The following CEP72 variants were observed in gnomAD, a reference collection of about 807,000 sequenced individuals.
The protein encoded by CEP72 is centrosomal protein of 72 kDa.
CEP72 carries 78 observed loss-of-function variants against 65.7 expected under a neutral mutation model. The ratio of observed to expected loss-of-function variants is 1.19; its 90% CI spans 0.99 to 1.43. The LOEUF (loss-of-function observed/expected upper bound fraction) is 1.43, where lower values mean the gene tolerates loss of function less well. Among genes scored for constraint, CEP72 ranks in the 40% most tolerant of loss-of-function variants. The probability of loss-of-function intolerance (pLI) is 0.00; values close to 1 mark genes in which losing one functional copy is unlikely to be tolerated. For synonymous variants in CEP72, 358 were observed against 351.7 expected, an observed-to-expected ratio of 1.02 and a Z score of -0.20; for missense variants, 914 against 832.9, an observed-to-expected ratio of 1.10 and a Z score of -1.20.
At chr5:628,114 C>T (rs938722652) in intron 4 of CEP72, among the ~76,000 whole-genome samples, 9 of 152,208 alleles carry the variant, frequency 5.9e-5, no homozygotes, top group African/African-American at 1.7e-4. Flanking sequence ...GGCACAGACA[C>T]GAGGGTTAGT....
downstream of CEP72, among the ~76,000 whole-genome samples, chr5:657,360 G>A (rs1332924071): frequency 3.9e-5 from 6 of 152,150 alleles, no homozygotes; most frequent in East Asian, 3.9e-4. Context: ...CTCTCTTCAC[G>A]GGTGACAGCC....
chr5:619,829 G>T (rs1300333296), intron 2 of CEP72, among the ~76,000 whole-genome samples: 1 of 152,186 alleles, frequency 6.6e-6, no homozygotes, highest in Non-Finnish European at 1.5e-5. Context: ...TGAGGCCTCG[G>T]TAGATATTAG....
At chr5:633,137 T>C (rs1486919683) in intron 4 of CEP72, among the ~76,000 whole-genome samples, 5 of 79,240 alleles carry the variant, frequency 6.3e-5, no homozygotes, top group Non-Finnish European at 9.0e-5. Context: ...CCAGTCCTGG[T>C]GGGGTTCTGT....
chr5:654,918 T>C (rs113832426), downstream of CEP72, among the ~76,000 whole-genome samples: 12 of 152,218 alleles, frequency 7.9e-5, no homozygotes, highest in African/African-American at 2.9e-4. Context: ...AACGTGATGC[T>C]TTTTCATCCT....
chr5:662,908 G>GTGATTC (rs1331402699), intron 1 of CEP72: 14 of 143,922 alleles, frequency 9.7e-5, no homozygotes, highest in Non-Finnish European at 4.5e-5. Flanking sequence ...CTGTGATCGG[G>GTGATTC]CGATTCTGGT....
intron 7 of CEP72, 29 bp downstream of exon 7, chr5:637,847 C>T (rs1334413906): frequency 1.3e-6 from 2 of 1,490,704 alleles, no homozygotes; most frequent in Non-Finnish European, 9.0e-7. Context: ...AGCAGCAGGC[C>T]CACGGCACTG....
intron 2 of CEP72, 64 bp downstream of exon 2, chr5:619,181 G>C: frequency 6.8e-7 from 1 of 1,472,396 alleles, no homozygotes; most frequent in South Asian, 1.2e-5. Flanking sequence ...TCCATTCACA[G>C]CAGAAACGGA....
At chr5:617,455 G>T (rs141127514) in intron 1 of CEP72, among the ~76,000 whole-genome samples, 54 of 152,290 alleles carry the variant, frequency 3.5e-4, no homozygotes, top group African/African-American at 1.2e-3. Context: ...ATCACCTGAG[G>T]TCAGGAGTTC....
At chr5:656,164 G>A (rs1739372226), downstream of CEP72, among the ~76,000 whole-genome samples, 1 of 152,288 alleles carries the variant, frequency 6.6e-6, no homozygotes, top group East Asian at 1.9e-4. Flanking sequence ...CCCGGCTGCT[G>A]AAGATTCCTT....
At chr5:649,822 TG>T (rs200843406) in intron 11 of CEP72, among the ~76,000 whole-genome samples, 2 of 49,378 alleles carry the variant, frequency 4.1e-5, no homozygotes, top group Non-Finnish European at 4.7e-5. Flanking sequence ...CTGTGAGGTG[TG>T]GACTGTGAGG....
downstream of CEP72, among the ~76,000 whole-genome samples, chr5:669,509 C>A (rs191759553): frequency 6.6e-6 from 1 of 152,158 alleles, no homozygotes; most frequent in African/African-American, 2.4e-5. Flanking sequence ...TGTCCTGGGC[C>A]GTCAAAGGCT....
At chr5:675,855 G>T in the CEP72 span, 1 of 152,166 alleles carries the variant, frequency 6.6e-6, no homozygotes, top group African/African-American at 2.4e-5. Flanking sequence ...ACACAGAGGG[G>T]CCAGCCACAG....
At chr5:643,053 T>G (rs1254195543) in intron 9 of CEP72, 1 of 984,962 alleles carries the variant, frequency 1.0e-6, no homozygotes, top group Non-Finnish European at 1.2e-6. Flanking sequence ...TGGCCTAGAC[T>G]CCAAAAAATA....
At chr5:656,678 A>G (rs971908601), downstream of CEP72, among the ~76,000 whole-genome samples, 4 of 152,188 alleles carry the variant, frequency 2.6e-5, no homozygotes, top group Non-Finnish European at 4.4e-5. Flanking sequence ...CCTCATTTTT[A>G]GGCACACAGT....
chr5:652,872 T>G, intron 11 of CEP72, 116 bp from the exon 12 acceptor site: 4 of 1,165,970 alleles, frequency 3.4e-6, no homozygotes, highest in Non-Finnish European at 3.5e-6. Flanking sequence ...TAGGTCTGTG[T>G]GCAGGGCCAG....
intron 9 of CEP72, chr5:642,857 T>C: frequency 1.0e-6 from 1 of 985,462 alleles, no homozygotes; most frequent in Non-Finnish European, 1.2e-6. Flanking sequence ...CCAAGTTTAC[T>C]CTGCCACGTG....
intron 2 of CEP72, 126 bp downstream of exon 2, chr5:619,243 C>G: frequency 1.2e-6 from 1 of 836,350 alleles, no homozygotes; most frequent in Admixed American, 2.3e-5. Context: ...CTTTGTGTTG[C>G]GTATTTTTGT....
rs1736285143 is a variant in CEP72, at chr5:620,101, C to G, written c.243C>G (p.Leu81=). Residue 81 remains leucine, a synonymous_variant, in exon 3 of 12, where the codon CTC becomes CTG. Coordinates refer to ENST00000264935, the MANE Select transcript of CEP72 (RefSeq NM_018140.4). ...GIQYLTALES[L]NLYYNCISSL... is the part of the protein sequence containing the mutation. ...AGTACCTGACTGCATTGGAGAGTCT[C>G]AATCTCTACTACAACTGCATCTCCT... The G allele has an allele frequency of 1.2e-6, 2 of 1,613,532 alleles. No individual in the cohort carries two copies. The highest frequency in any genetic ancestry group is 1.7e-6 in the Non-Finnish European group (2 of 1,179,522).
chr5:637,501 CCT>C lies in CEP72; in HGVS notation c.905-11_905-10del. 6.2e-7 allele frequency: 1 copy of C among 1,601,850 alleles called. No individual in the cohort carries two copies. Among genetic ancestry groups the C allele is most frequent in the Non-Finnish European group, 8.5e-7 (1 of 1,171,796 alleles). ...GAATTTGGCCTGACGTGCGCCCCAT[CCT>C]CTCTATATCTCAGACTCCATGGATA... On this transcript the variant is annotated splice_polypyrimidine_tract_variant and intron_variant, in intron 6 of 11. Transcript: ENST00000264935.
Sources: gnomAD v4.1 joint callset for allele counts (sites outside exome capture counted in the v4.1 genomes callset) on GRCh38, gnomAD v4.1.1 for gene constraint, MANE v1.5 for transcripts, NCBI Gene and HGNC (gene_info 2026-07-23, HGNC 2026-07-21) for gene names.